The following DEPDC4 variants were observed in gnomAD, a reference collection of about 807,000 sequenced individuals.
DEPDC4 encodes DEP domain-containing protein 4.
Under a neutral mutation model 52.0 loss-of-function variants are expected in DEPDC4, and 52 were observed. That is an observed-to-expected ratio of 1.00 (90% CI 0.80 to 1.26). DEPDC4 has a LOEUF of 1.26. DEPDC4 is among the 50% of genes most tolerant of loss of function. The probability of loss-of-function intolerance (pLI) is 0.00; values close to 1 mark genes in which losing one functional copy is unlikely to be tolerated. For synonymous variants in DEPDC4, 201 were observed against 196.8 expected, an observed-to-expected ratio of 1.02 and a Z score of -0.18; for missense variants, 530 against 546.9, an observed-to-expected ratio of 0.97 and a Z score of 0.31.
intron 8 of DEPDC4, among the ~76,000 whole-genome samples, chr12:100,248,022 T>C (rs2096193123): frequency 6.6e-6 from 1 of 152,142 alleles, no homozygotes; most frequent in African/African-American, 2.4e-5. Context: ...ATAATAATAA[T>C]ATTAATATGC....
downstream of DEPDC4, among the ~76,000 whole-genome samples, chr12:100,235,148 G>A (rs1276686479): frequency 6.6e-6 from 1 of 151,630 alleles, no homozygotes; most frequent in Non-Finnish European, 1.5e-5. Context: ...GAATGTTGTA[G>A]GAAATACTCA....
At chr12:100,267,186 C>G (rs369842431), upstream of DEPDC4, 7 of 1,218,138 alleles carry the variant, frequency 5.7e-6, no homozygotes, top group Non-Finnish European at 6.9e-6. Context: ...TAGTCTTTTT[C>G]CCCCTCCCTT....
At chr12:100,267,136 C>A (rs1231916238), upstream of DEPDC4, 3 of 1,562,708 alleles carry the variant, frequency 1.9e-6, no homozygotes, top group African/African-American at 1.4e-5. Context: ...TCTTCCGAAC[C>A]GGCAGGAAGT....
rs894349464 is a variant in DEPDC4, at chr12:100,253,600, T to C, written c.994A>G (p.Ser332Gly). 5 of 1,289,142 alleles carry C rather than the reference T, an allele frequency of 3.9e-6. No individual in the cohort carries two copies. The highest frequency in any genetic ancestry group is 5.1e-6 in the Non-Finnish European group (5 of 988,426). The allele number at this position is 1,289,142 out of a possible 1,614,324, so 79.9% of individuals were successfully genotyped here. A position where few individuals can be genotyped will look rare whatever the true frequency, so the allele number is the denominator to read the frequency against. The change falls in exon 5 of 10, where the codon AGT becomes GGT. Residue 332 changes from serine (S) to glycine (G), a missense_variant. Transcript: ENST00000550587. Reference sequence around the variant, plus strand: ...ACATCAAAGAGTATCTTCTTCTGACTGTTCAATCTTGTCTCTTCATTTCTG... The same window carrying C: ...ACATCAAAGAGTATCTTCTTCTGACCGTTCAATCTTGTCTCTTCATTTCTG... ...QNRNEETRLN[S>G]QKKILFDVIA... is the part of the protein sequence containing the mutation.
At chr12:100,269,175 G>A (rs2096284364), upstream of DEPDC4, among the ~76,000 whole-genome samples, 1 of 152,052 alleles carries the variant, frequency 6.6e-6, no homozygotes, top group Non-Finnish European at 1.5e-5. Flanking sequence ...TGCCCTACAA[G>A]CCCTGCATAG....
chr12:100,258,809 G>C lies in DEPDC4; in HGVS notation c.701-2583C>G, dbSNP rs1566323148. Among the ~76,000 whole-genome samples, 4 of 151,972 alleles carry C rather than the reference G, an allele frequency of 2.6e-5. No individual in the cohort carries two copies. In the South Asian group the frequency reaches 8.3e-4, roughly 32 times the overall value. ...TCTCAGGCCAGGCGCGGTGGTTCAC[G>C]TCTGTAATCTCAGCACTTTGGGAGG... On this transcript the variant is annotated intron_variant, in intron 3 of 9. Coordinates refer to ENST00000550587, the MANE Select transcript of DEPDC4 (RefSeq NM_001364818.2).
chr12:100,247,906 C>T (rs531218211), intron 8 of DEPDC4, among the ~76,000 whole-genome samples: 2 of 152,210 alleles, frequency 1.3e-5, no homozygotes, highest in African/African-American at 4.8e-5. Context: ...TTTTGCCCTG[C>T]CACAACCCTT....
intron 7 of DEPDC4, among the ~76,000 whole-genome samples, chr12:100,250,988 T>A (rs926638568): frequency 4.6e-5 from 7 of 152,192 alleles, no homozygotes; most frequent in South Asian, 4.1e-4. Context: ...TGGGACTGCC[T>A]CTATTGTATA....
chr12:100,245,209 T>C (rs1202614372), intron 8 of DEPDC4, among the ~76,000 whole-genome samples: 1 of 152,014 alleles, frequency 6.6e-6, no homozygotes, highest in East Asian at 1.9e-4. Flanking sequence ...ACAGACTCCA[T>C]CATTCCCCTA....
intron 8 of DEPDC4, among the ~76,000 whole-genome samples, chr12:100,248,497 G>C (rs1328211210): frequency 6.6e-6 from 1 of 152,100 alleles, no homozygotes; most frequent in East Asian, 1.9e-4. Flanking sequence ...TGGGGGCCAG[G>C]CTACTCCTCT....
chr12:100,274,917 G>T, the DEPDC4 span, among the ~76,000 whole-genome samples: 1 of 152,172 alleles, frequency 6.6e-6, no homozygotes, highest in Admixed American at 6.5e-5. Context: ...GAATCAGTTT[G>T]TCACTTTCTA....
chr12:100,243,346 T>C (rs927675751), intron 8 of DEPDC4, among the ~76,000 whole-genome samples: 2 of 152,126 alleles, frequency 1.3e-5, no homozygotes, highest in East Asian at 1.9e-4. Flanking sequence ...ACTTAAACTT[T>C]CTCAACTCCC....
chr12:100,265,463 T>C (rs1362119693), intron 1 of DEPDC4, among the ~76,000 whole-genome samples: 1 of 151,666 alleles, frequency 6.6e-6, no homozygotes, highest in Non-Finnish European at 1.5e-5. Context: ...GGGCATGGTG[T>C]CGCACGCCTG....
At chr12:100,264,540 G>T (rs1351372940) in intron 1 of DEPDC4, among the ~76,000 whole-genome samples, 1 of 151,998 alleles carries the variant, frequency 6.6e-6, no homozygotes, top group Non-Finnish European at 1.5e-5. Context: ...TTAGCCGAGC[G>T]TGGTGGCATG....
intron 8 of DEPDC4, among the ~76,000 whole-genome samples, chr12:100,246,620 A>G (rs1305065623): frequency 6.6e-6 from 1 of 152,204 alleles, no homozygotes; most frequent in Non-Finnish European, 1.5e-5. Context: ...TGTCAGAAGC[A>G]TTTTAAATCA....
At chr12:100,244,748 C>T (rs972742062) in intron 8 of DEPDC4, among the ~76,000 whole-genome samples, 9 of 151,516 alleles carry the variant, frequency 5.9e-5, no homozygotes, top group South Asian at 2.1e-4. Context: ...AGGTGTGAGC[C>T]GCTGCACCCA....
At chr12:100,245,992 ACT>A (rs1311559042) in intron 8 of DEPDC4, among the ~76,000 whole-genome samples, 1 of 151,312 alleles carries the variant, frequency 6.6e-6, no homozygotes, top group Non-Finnish European at 1.5e-5. Context: ...ACAGAATCTC[ACT>A]CTGTCACCCA....
Position 100,240,869 on chromosome 12 carries a change from A to G in DEPDC4, c.*1023T>C, listed in dbSNP as rs970710647. On this transcript the variant is annotated 3_prime_UTR_variant, in exon 10 of 10. Coordinates refer to ENST00000550587, the MANE Select transcript of DEPDC4 (RefSeq NM_001364818.2). ...GGAGTTCAAGACTAGCCTGGCCAAC[A>G]TGGCGAAACACTGTCTCTACTAAAA... Among the ~76,000 whole-genome samples, 2 of 152,218 alleles carry G rather than the reference A, an allele frequency of 1.3e-5. No individual in the cohort carries two copies. The highest frequency in any genetic ancestry group is 2.9e-5 in the Non-Finnish European group (2 of 68,042).
At chr12:100,248,665 G>A (rs2096195731) in intron 8 of DEPDC4, among the ~76,000 whole-genome samples, 1 of 152,150 alleles carries the variant, frequency 6.6e-6, no homozygotes, top group Non-Finnish European at 1.5e-5. Flanking sequence ...TGAGAATTGG[G>A]AGCAGCAGTG....
Sources: allele counts gnomAD v4.1 joint callset (sites outside exome capture counted in the v4.1 genomes callset), GRCh38; gene constraint gnomAD v4.1.1; transcripts MANE v1.5; gene names NCBI Gene and HGNC (gene_info 2026-07-23, HGNC 2026-07-21).